Variants in RPS6KA5 observed in about 807,000 individuals in gnomAD.
RPS6KA5 encodes the protein ribosomal protein S6 kinase A5.
A neutral mutation model predicts 85.5 loss-of-function variants in RPS6KA5; 27 were observed. That is an observed-to-expected ratio of 0.32 (90% CI 0.23 to 0.44). The LOEUF (loss-of-function observed/expected upper bound fraction) is 0.44, where lower values mean the gene tolerates loss of function less well. RPS6KA5 is among the 20% of genes least tolerant of loss of function. The pLI, the probability that RPS6KA5 is intolerant of heterozygous loss-of-function variation, is 1.00. For synonymous variants in RPS6KA5, 334 were observed against 348.2 expected, an observed-to-expected ratio of 0.96 and a Z score of 0.46; for missense variants, 811 against 980.9, an observed-to-expected ratio of 0.83 and a Z score of 2.31.
At chr14:90,927,186 G>A (rs2036722112) in intron 5 of RPS6KA5, among the ~76,000 whole-genome samples, 1 of 151,964 alleles carries the variant, frequency 6.6e-6, no homozygotes, top group African/African-American at 2.4e-5. Context: ...AAATAGATAA[G>A]TAAATAAAAT....
chr14:90,988,444 GTA>G lies in RPS6KA5; in HGVS notation c.176-9922_176-9921del, dbSNP rs554242747. Among the ~76,000 whole-genome samples the G allele has an allele frequency of 2.2e-3, 342 of 152,332 alleles. 3 individuals carry two copies. The highest frequency in any genetic ancestry group is 3.6e-3 in the Non-Finnish European group (244 of 68,024). ...CAAAACATTTTATTACTCATATCAT[GTA>G]TATCTTAGGAGAGGAATGTTAACCT... On this transcript the variant is annotated intron_variant, in intron 2 of 16. Transcript: ENST00000614987.
At chr14:91,049,726 A>G (rs2042997422) in intron 1 of RPS6KA5, among the ~76,000 whole-genome samples, 1 of 152,242 alleles carries the variant, frequency 6.6e-6, no homozygotes, top group Admixed American at 6.5e-5. Context: ...TCTGAGAAAC[A>G]TCATTAGGTG....
Position 91,044,793 on chromosome 14 carries a change from C to T in RPS6KA5, c.103+15539G>A, listed in dbSNP as rs181099030. On this transcript the variant is annotated intron_variant, in intron 1 of 16. Coordinates refer to ENST00000614987, the MANE Select transcript of RPS6KA5 (RefSeq NM_004755.4). ...AGCTGAGGCAGGAGAATCGCTTGAA[C>T]TCAGGAGGCAGAGGTTGCAGTGAGC... 1.5e-3 allele frequency among the ~76,000 whole-genome samples: 232 copies of T among 151,288 alleles called. 2 individuals are homozygous for T. The highest frequency in any genetic ancestry group is 2.4e-3 in the Non-Finnish European group (163 of 67,860).
chr14:91,060,293 C>G (rs2043599814), intron 1 of RPS6KA5, 39 bp downstream of exon 1: 1 of 1,182,930 alleles, frequency 8.5e-7, no homozygotes, highest in South Asian at 4.0e-5. Context: ...AGGCGCGCCC[C>G]CGCGCCGGGC....
intron 11 of RPS6KA5, among the ~76,000 whole-genome samples, chr14:90,899,886 C>A (rs1321340929): frequency 1.3e-5 from 2 of 152,030 alleles, no homozygotes; most frequent in Non-Finnish European, 2.9e-5. Flanking sequence ...TAGATAAACT[C>A]AAAAGCAAAT....
chr14:91,002,606 A>G (rs1377265612), intron 1 of RPS6KA5, among the ~76,000 whole-genome samples: 1 of 152,200 alleles, frequency 6.6e-6, no homozygotes, highest in Non-Finnish European at 1.5e-5. Flanking sequence ...AATAATTTCA[A>G]TGTCTTTCCA....
At position 90,859,730 on chromosome 14, in the gene RPS6KA5, A is replaced by G. The variant is rs967587921; in HGVS notation, c.*12344T>C. ...AAACGGGAGAGAGAAAACGGATTGGAAAAAACTATTTGAAGAATGACTGGT... is the reference window on the plus strand; with the variant it reads ...AAACGGGAGAGAGAAAACGGATTGGGAAAAACTATTTGAAGAATGACTGGT... On this transcript the variant is annotated 3_prime_UTR_variant, in exon 17 of 17. Coordinates refer to ENST00000614987, the MANE Select transcript of RPS6KA5 (RefSeq NM_004755.4). 1 of 152,212 alleles carries G rather than the reference A, an allele frequency of 6.6e-6. No individual in the cohort carries two copies. The highest frequency in any genetic ancestry group is 1.5e-5 in the Non-Finnish European group (1 of 68,042). 9.4% of individuals were successfully genotyped at this position (152,212 alleles called of 1,614,324 possible). A position where few individuals can be genotyped will look rare whatever the true frequency, so the allele number is the denominator to read the frequency against.
At chr14:90,888,759 T>C (rs938474174) in intron 14 of RPS6KA5, among the ~76,000 whole-genome samples, 10 of 152,190 alleles carry the variant, frequency 6.6e-5, no homozygotes, top group Non-Finnish European at 1.5e-4. Context: ...AAAAGTCAGA[T>C]ATCATAAAGA....
rs1326600865 is a variant in RPS6KA5 at position 90,868,772 on chromosome 14, T to C, written c.*3302A>G. On this transcript the variant is annotated 3_prime_UTR_variant, in exon 17 of 17. Transcript: ENST00000614987. ...TTATAAAGTAGTGTATTTGAGAACA[T>C]AAACTGAGATACAAAAGGAATTTCC... The C allele has an allele frequency of 6.6e-6, 1 of 152,164 alleles. No individual in the cohort carries two copies. The highest frequency in any genetic ancestry group is 6.5e-5 in the Admixed American group (1 of 15,270). The allele number at this position is 152,164 out of a possible 1,614,324, so 9.4% of individuals were successfully genotyped here. A position where few individuals can be genotyped will look rare whatever the true frequency, so the allele number is the denominator to read the frequency against.
At chr14:90,908,455 G>A (rs2035631093) in intron 7 of RPS6KA5, among the ~76,000 whole-genome samples, 1 of 152,156 alleles carries the variant, frequency 6.6e-6, no homozygotes, top group Non-Finnish European at 1.5e-5. Context: ...GTGATGAGGA[G>A]TATCTTGCCC....
chr14:90,900,886 C>A, intron 9 of RPS6KA5, 150 bp from the exon 10 acceptor site: 1 of 663,372 alleles, frequency 1.5e-6, no homozygotes, highest in Non-Finnish European at 2.4e-6. Context: ...ATCTAAAATG[C>A]AAGGTTATTT....
intron 1 of RPS6KA5, among the ~76,000 whole-genome samples, chr14:91,012,950 C>T (rs1193729523): frequency 2.6e-5 from 4 of 152,262 alleles, no homozygotes; most frequent in Admixed American, 2.6e-4. Flanking sequence ...CTTGTTTTCT[C>T]TCTCCTCTTC....
At chr14:91,056,120 ATGT>A (rs2043306524) in intron 1 of RPS6KA5, among the ~76,000 whole-genome samples, 1 of 152,172 alleles carries the variant, frequency 6.6e-6, no homozygotes, top group African/African-American at 2.4e-5. Context: ...CACACAAATC[ATGT>A]TGTTTAAGCC....
rs1429814831 is a variant in RPS6KA5, at chr14:90,854,512, GA to G, written c.*17561del. On this transcript the variant is annotated 3_prime_UTR_variant, in exon 17 of 17. Transcript: ENST00000614987. Reference sequence around the variant, plus strand: ...GATTTTGCTAAATGTATCATCATTAGAAAAAGTTTTCTGGATGTGTATATGA... The same window carrying G: ...GATTTTGCTAAATGTATCATCATTAGAAAAGTTTTCTGGATGTGTATATGA... 2 of 152,048 alleles carry G rather than the reference GA, an allele frequency of 1.3e-5. No homozygotes were observed. The highest frequency in any genetic ancestry group is 4.8e-5 in the African/African-American group (2 of 41,412). The allele number at this position is 152,048 out of a possible 1,614,324, so 9.4% of individuals were successfully genotyped here.
chr14:90,925,941 C>CAAAAA (rs71117389), intron 5 of RPS6KA5, among the ~76,000 whole-genome samples: 392 of 73,170 alleles, frequency 5.4e-3, no homozygotes, highest in Non-Finnish European at 6.3e-3. Context: ...GACCCTGACT[C>CAAAAA]AAAAAAAAAA....
chr14:90,983,847 T>TTTC (rs1566826341), intron 2 of RPS6KA5, among the ~76,000 whole-genome samples: 22 of 128,286 alleles, frequency 1.7e-4, no homozygotes, highest in East Asian at 9.1e-4. Context: ...CTCTTTCTTT[T>TTTC]TTTCTTTCTT....
chr14:90,957,499 C>T (rs530249781), intron 3 of RPS6KA5, among the ~76,000 whole-genome samples: 3 of 152,340 alleles, frequency 2.0e-5, no homozygotes, highest in African/African-American at 4.8e-5. Context: ...ATGGTTCTAG[C>T]AGGGCTCTCT....
rs866562153 is a variant in RPS6KA5, at chr14:90,910,689, T to A, written c.807-4390A>T. 1.9e-3 allele frequency among the ~76,000 whole-genome samples: 261 copies of A among 138,486 alleles called. 3 individuals are homozygous for A. The highest frequency in any genetic ancestry group is 0.016 in the South Asian group (67 of 4,280). The allele number at this position is 138,486 out of a possible 152,430, so 90.9% of individuals were successfully genotyped here. The stretch of plus-strand genomic sequence containing the variant: ...TTTATTATTATCATTATTATTATTT[T>A]TTTTTTTTTTTTTTGAGACAGAGTC... On this transcript the variant is annotated intron_variant, in intron 7 of 16. Transcript: ENST00000614987.
chr14:90,956,964 GTTTT>G (rs61106740), intron 3 of RPS6KA5, among the ~76,000 whole-genome samples: 2,993 of 123,358 alleles, frequency 0.024, 47 homozygotes, highest in African/African-American at 0.041. Flanking sequence ...CTGTTTTTCT[GTTTT>G]TTTTTTTTTT....
Sources: allele counts gnomAD v4.1 joint callset (sites outside exome capture counted in the v4.1 genomes callset), GRCh38; gene constraint gnomAD v4.1.1; transcripts MANE v1.5; gene names NCBI Gene and HGNC (gene_info 2026-07-23, HGNC 2026-07-21).